FAM186B: variants seen among roughly 807,000 people sequenced by gnomAD.
The protein encoded by FAM186B is protein FAM186B.
In FAM186B, 68 loss-of-function variants were observed where a neutral mutation model predicts 83.4. The observed-to-expected ratio is 0.81, with a 90% CI of 0.67 to 1.00. The LOEUF (loss-of-function observed/expected upper bound fraction) is 1.00. FAM186B is among the 50% of genes least tolerant of loss of function. The probability of loss-of-function intolerance (pLI) is 0.00; values close to 1 mark genes in which losing one functional copy is unlikely to be tolerated. For missense variants in FAM186B, 983 were observed against 1,099.2 expected (o/e 0.89, Z 1.49); for synonymous variants, 389 against 422.0 (o/e 0.92, Z 0.96).
chr12:49,614,222 A>G, the FAM186B span, among the ~76,000 whole-genome samples: 1 of 152,222 alleles, frequency 6.6e-6, no homozygotes, highest in Non-Finnish European at 1.5e-5. Flanking sequence ...ATTACTCGGT[A>G]TACACCCAAA....
intron 3 of FAM186B, among the ~76,000 whole-genome samples, chr12:49,602,235 A>G (rs930687135): frequency 1.3e-5 from 2 of 152,226 alleles, no homozygotes; most frequent in Non-Finnish European, 2.9e-5. Flanking sequence ...TACCATTCAT[A>G]AGTTTATAAT....
chr12:49,586,498 G>A (rs1046895180), downstream of FAM186B, among the ~76,000 whole-genome samples: 1 of 152,172 alleles, frequency 6.6e-6, no homozygotes. Context: ...GGGCTTGCCC[G>A]AGACTCAGAA....
downstream of FAM186B, chr12:49,587,469 T>C (rs993827382): frequency 5.6e-6 from 7 of 1,256,282 alleles, no homozygotes; most frequent in African/African-American, 1.5e-5. Flanking sequence ...GGTTAGCCTC[T>C]CTCTATCTGG....
rs1565813556 is a variant in FAM186B at position 49,604,527 on chromosome 12, G to T, written c.108C>A (p.Thr36=). The T allele has an allele frequency of 1.2e-6, 2 of 1,614,006 alleles. No homozygotes were observed. Among genetic ancestry groups the T allele is most frequent in the East Asian group, 4.5e-5 (2 of 44,884 alleles). The change falls in exon 2 of 7, where the codon ACC becomes ACA. Residue 36 remains threonine, a synonymous_variant. Coordinates refer to ENST00000257894, the MANE Select transcript of FAM186B (RefSeq NM_032130.3). ...CATTGTCCAAAATGTCTGAGAGCTG[G>T]GTAGAAATATCCTATAGAGAAGCAG... is the stretch of plus-strand genomic sequence containing the variant. The part of the protein sequence containing the change: ...QLTRAQEDIS[T]QLSDILDNVN...
chr12:49,618,843 A>G, the FAM186B span, among the ~76,000 whole-genome samples: 1 of 152,252 alleles, frequency 6.6e-6, no homozygotes, highest in African/African-American at 2.4e-5. Context: ...AGAAAATAGG[A>G]AGAAATCACC....
At chr12:49,583,646 C>T (rs1353217933), downstream of FAM186B, 1 of 153,176 alleles carries the variant, frequency 6.5e-6, no homozygotes, top group Non-Finnish European at 1.5e-5. Context: ...TCACACCCCA[C>T]ATCCTCCTCA....
At chr12:49,610,528 C>T (rs200311611), upstream of FAM186B, among the ~76,000 whole-genome samples, 2 of 152,192 alleles carry the variant, frequency 1.3e-5, no homozygotes, top group East Asian at 1.9e-4. Flanking sequence ...TGGTGGCTCA[C>T]GCCTGTAATC....
intron 5 of FAM186B, among the ~76,000 whole-genome samples, chr12:49,591,855 C>T (rs1939587933): frequency 1.3e-5 from 2 of 151,904 alleles, no homozygotes. Flanking sequence ...ACTTATAATA[C>T]CTAATATAAT....
Position 49,587,835 on chromosome 12 carries a change from A to G in FAM186B, c.2535-83T>C, listed in dbSNP as rs966527569. ...AGACTCTCCAGAGCCATCAGGCCCA[A>G]GTGAGCTTTGTCTCCTTCCCTTCTC... is the stretch of plus-strand genomic sequence containing the variant. On this transcript the variant is annotated intron_variant, in intron 6 of 6. Coordinates refer to ENST00000257894, the MANE Select transcript of FAM186B (RefSeq NM_032130.3). The G allele has an allele frequency of 6.1e-6, 9 of 1,477,024 alleles. No individual in the cohort carries two copies. In the Admixed American group the frequency reaches 1.1e-4, roughly 18 times the overall value. The allele number at this position is 1,477,024 out of a possible 1,614,324, so 91.5% of individuals were successfully genotyped here. A position where few individuals can be genotyped will look rare whatever the true frequency, so the allele number is the denominator to read the frequency against.
chr12:49,619,700 G>T, the FAM186B span: 1 of 385,044 alleles, frequency 2.6e-6, no homozygotes, highest in African/African-American at 2.6e-5. Context: ...TTTTGAGATG[G>T]AGTCTTGCTC....
At chr12:49,596,933 TAAC>T (rs750929896) in intron 5 of FAM186B, among the ~76,000 whole-genome samples, 11 of 152,216 alleles carry the variant, frequency 7.2e-5, no homozygotes, top group Non-Finnish European at 1.6e-4. Context: ...GTGCACTGCA[TAAC>T]AACATTTCAG....
the FAM186B span, among the ~76,000 whole-genome samples, chr12:49,613,526 CAAAA>C: frequency 9.7e-6 from 1 of 102,770 alleles, no homozygotes; most frequent in Non-Finnish European, 2.0e-5. Context: ...GACTCCATCT[CAAAA>C]AAAAAAAAAA....
downstream of FAM186B, among the ~76,000 whole-genome samples, chr12:49,586,469 G>A (rs1032685706): frequency 6.6e-6 from 1 of 152,148 alleles, no homozygotes; most frequent in Non-Finnish European, 1.5e-5. Flanking sequence ...ACATATCTCC[G>A]TGTGTGGAAA....
At chr12:49,614,150 C>CAA in the FAM186B span, among the ~76,000 whole-genome samples, 11 of 131,462 alleles carry the variant, frequency 8.4e-5, no homozygotes, top group East Asian at 4.4e-4. Flanking sequence ...AACTCTGTCT[C>CAA]AAAAAAAAAA....
At chr12:49,622,660 C>G in the FAM186B span, 1 of 152,270 alleles carries the variant, frequency 6.6e-6, no homozygotes, top group African/African-American at 2.4e-5. Context: ...CTCTTCGTGT[C>G]AGGAGTTTTT....
At chr12:49,610,153 A>C (rs564937907), upstream of FAM186B, among the ~76,000 whole-genome samples, 62 of 152,276 alleles carry the variant, frequency 4.1e-4, no homozygotes, top group African/African-American at 9.4e-4. Flanking sequence ...AAAAAAAAAA[A>C]AAACCGATAT....
At chr12:49,613,691 T>A in the FAM186B span, among the ~76,000 whole-genome samples, 1 of 150,774 alleles carries the variant, frequency 6.6e-6, no homozygotes, top group Admixed American at 6.6e-5. Context: ...ATACAAAACT[T>A]AACCAGGCAT....
intron 4 of FAM186B, 121 bp from the exon 5 acceptor site, chr12:49,599,068 G>T: frequency 9.5e-7 from 1 of 1,048,508 alleles, no homozygotes; most frequent in Non-Finnish European, 1.4e-6. Flanking sequence ...ATGGAGGCTG[G>T]TGAGAGCTGG....
the FAM186B span, among the ~76,000 whole-genome samples, chr12:49,616,742 G>T: frequency 5.3e-5 from 8 of 152,176 alleles, no homozygotes; most frequent in African/African-American, 1.4e-4. Context: ...CTGCAAAAGG[G>T]CACAAAGGTT....
Sources: gnomAD v4.1 joint callset for allele counts (sites outside exome capture counted in the v4.1 genomes callset) on GRCh38, gnomAD v4.1.1 for gene constraint, MANE v1.5 for transcripts, NCBI Gene and HGNC (gene_info 2026-07-23, HGNC 2026-07-21) for gene names.